The following FRMD3 variants were observed in gnomAD, a reference collection of about 807,000 sequenced individuals.
FRMD3 encodes FERM domain-containing protein 3.
In FRMD3, 33 loss-of-function variants were observed where a neutral mutation model predicts 70.2. The ratio of observed to expected loss-of-function variants is 0.47; its 90% CI spans 0.36 to 0.63. The LOEUF (loss-of-function observed/expected upper bound fraction) is 0.63. Among genes scored for constraint, FRMD3 ranks in the 20% least tolerant of loss-of-function variants. The probability of loss-of-function intolerance (pLI) is 0.00; values close to 1 mark genes in which losing one functional copy is unlikely to be tolerated. For missense variants in FRMD3, 632 were observed against 711.4 expected (o/e 0.89, Z 1.27); for synonymous variants, 279 against 255.9 (o/e 1.09, Z -0.86).
chr9:83,345,293 T>C (rs1024384245), intron 4 of FRMD3, among the ~76,000 whole-genome samples: 2 of 151,942 alleles, frequency 1.3e-5, no homozygotes, highest in Non-Finnish European at 2.9e-5. Context: ...TTGGAGTTGC[T>C]ATGCATTCTG....
chr9:83,397,700 C>A (rs1288428256), intron 1 of FRMD3, among the ~76,000 whole-genome samples: 1 of 152,148 alleles, frequency 6.6e-6, no homozygotes, highest in African/African-American at 2.4e-5. Context: ...TCAAAGGGCT[C>A]TGTTGCTTGG....
At chr9:83,312,753 G>A (rs915399709) in intron 7 of FRMD3, among the ~76,000 whole-genome samples, 3 of 135,498 alleles carry the variant, frequency 2.2e-5, no homozygotes, top group South Asian at 2.5e-4. Flanking sequence ...CTCCCCCTCC[G>A]CCGCCCTGCG....
chr9:83,433,314 A>C (rs916837775), intron 1 of FRMD3, among the ~76,000 whole-genome samples: 1 of 152,262 alleles, frequency 6.6e-6, no homozygotes, highest in African/African-American at 2.4e-5. Flanking sequence ...AAAATTCTGC[A>C]TGCTCAGGGA....
intron 10 of FRMD3, among the ~76,000 whole-genome samples, 188 bp downstream of exon 10, chr9:83,309,348 A>T (rs2131044743): frequency 6.6e-6 from 1 of 152,104 alleles, no homozygotes; most frequent in Non-Finnish European, 1.5e-5. Context: ...CATAGAGCTC[A>T]GAACTCGGTC....
intron 2 of FRMD3, among the ~76,000 whole-genome samples, chr9:83,381,140 C>T (rs1825339574): frequency 6.6e-6 from 1 of 152,164 alleles, no homozygotes. Flanking sequence ...TATTTAGCTG[C>T]CAATAATCAT....
chr9:83,449,735 C>T (rs1472050153), intron 1 of FRMD3, among the ~76,000 whole-genome samples: 2 of 152,140 alleles, frequency 1.3e-5, no homozygotes, highest in African/African-American at 2.4e-5. Context: ...GTTGATTGGA[C>T]ATTATAACCA....
upstream of FRMD3, among the ~76,000 whole-genome samples, chr9:83,539,399 A>G (rs1829970640): frequency 6.6e-6 from 1 of 152,148 alleles, no homozygotes; most frequent in Non-Finnish European, 1.5e-5. Context: ...GAATGTGAGC[A>G]CTAGAATGTC....
At chr9:83,452,314 C>A (rs764303319) in intron 1 of FRMD3, among the ~76,000 whole-genome samples, 54 of 152,170 alleles carry the variant, frequency 3.5e-4, no homozygotes, top group Non-Finnish European at 7.3e-4. Flanking sequence ...GGTGCTCAAG[C>A]CCATGTGTGA....
At chr9:83,585,676 A>C in the FRMD3 span, among the ~76,000 whole-genome samples, 1 of 152,190 alleles carries the variant, frequency 6.6e-6, no homozygotes, top group Non-Finnish European at 1.5e-5. Flanking sequence ...TCCTATGATT[A>C]TGTGCAACTA....
At chr9:83,515,026 C>T (rs1829424172) in intron 1 of FRMD3, among the ~76,000 whole-genome samples, 1 of 152,182 alleles carries the variant, frequency 6.6e-6, no homozygotes, top group African/African-American at 2.4e-5. Flanking sequence ...CGCAAAAAGG[C>T]TGAAAGTTCC....
At chr9:83,547,134 C>T in the FRMD3 span, among the ~76,000 whole-genome samples, 87 of 150,174 alleles carry the variant, frequency 5.8e-4, 2 homozygotes, top group South Asian at 1.2e-3. Context: ...AGAATCAAGA[C>T]GTTAGGACAA....
intron 6 of FRMD3, among the ~76,000 whole-genome samples, chr9:83,333,299 T>C (rs1223048702): frequency 6.6e-6 from 1 of 152,200 alleles, no homozygotes; most frequent in East Asian, 1.9e-4. Flanking sequence ...AAAGGCTTAA[T>C]GGATGTTTCA....
chr9:83,371,240 A>AT (rs937755961), intron 3 of FRMD3, among the ~76,000 whole-genome samples: 1 of 152,136 alleles, frequency 6.6e-6, no homozygotes, highest in African/African-American at 2.4e-5. Context: ...GGAATCAGCA[A>AT]TTTTTTTCTC....
chr9:83,457,499 C>T (rs1827851926), intron 1 of FRMD3, among the ~76,000 whole-genome samples: 1 of 152,162 alleles, frequency 6.6e-6, no homozygotes, highest in African/African-American at 2.4e-5. Flanking sequence ...GTTCATGTAC[C>T]TGACATAGGA....
chr9:83,571,433 T>C, the FRMD3 span, among the ~76,000 whole-genome samples: 3 of 152,228 alleles, frequency 2.0e-5, no homozygotes, highest in Admixed American at 2.0e-4. Context: ...CCAAGGTTTT[T>C]GACTTGAGCA....
intron 1 of FRMD3, among the ~76,000 whole-genome samples, chr9:83,413,974 G>C (rs926779212): frequency 2.0e-5 from 3 of 152,162 alleles, no homozygotes; most frequent in Admixed American, 6.6e-5. Flanking sequence ...AACCAGCCGG[G>C]AGACCATACA....
chr9:83,318,481 A>ATG (rs36015788), intron 6 of FRMD3, among the ~76,000 whole-genome samples: 32,676 of 150,862 alleles, frequency 0.22, 3,861 homozygotes, highest in Non-Finnish European at 0.27. Context: ...TATATATAAT[A>ATG]TGTGTGTGTG....
intron 2 of FRMD3, 105 bp downstream of exon 2, chr9:83,389,499 T>A (rs1825604637): frequency 2.7e-6 from 2 of 743,650 alleles, no homozygotes; most frequent in East Asian, 5.0e-5. Flanking sequence ...TGCCCAATAA[T>A]CTATGAGAAC....
intron 1 of FRMD3, among the ~76,000 whole-genome samples, chr9:83,519,420 T>C (rs1829523354): frequency 1.3e-5 from 2 of 152,048 alleles, no homozygotes; most frequent in Non-Finnish European, 2.9e-5. Context: ...ATTAGAGAAA[T>C]GCAAATCAAA....
Sources: allele counts gnomAD v4.1 joint callset (sites outside exome capture counted in the v4.1 genomes callset), GRCh38; gene constraint gnomAD v4.1.1; transcripts MANE v1.5; gene names NCBI Gene and HGNC (gene_info 2026-07-23, HGNC 2026-07-21).